The following DENND1A variants were observed in gnomAD, a reference collection of about 807,000 sequenced individuals.
The protein encoded by DENND1A is DENN domain containing 1A, also known as DENN domain-containing protein 1A.
Under a neutral mutation model 113.7 loss-of-function variants are expected in DENND1A, and 51 were observed. The ratio of observed to expected loss-of-function variants is 0.45; its 90% CI spans 0.36 to 0.57. The LOEUF (loss-of-function observed/expected upper bound fraction) is 0.57. DENND1A is among the 20% of genes least tolerant of loss of function. The pLI is 0.00. For missense variants in DENND1A, 1,258 were observed against 1,395.9 expected, an observed-to-expected ratio of 0.90 and a Z score of 1.57; for synonymous variants, 565 against 570.8, an observed-to-expected ratio of 0.99 and a Z score of 0.14.
chr9:123,650,610 A>T (rs1030374243), intron 9 of DENND1A, among the ~76,000 whole-genome samples: 1 of 152,154 alleles, frequency 6.6e-6, no homozygotes, highest in Non-Finnish European at 1.5e-5. Context: ...GACGCCTGTG[A>T]TTTACTTTGA....
chr9:123,514,086 G>A (rs1317156070), intron 13 of DENND1A, among the ~76,000 whole-genome samples: 4 of 80,622 alleles, frequency 5.0e-5, no homozygotes, highest in Admixed American at 1.6e-4. Flanking sequence ...GTGTGTGTGT[G>A]TGTGTGTGTG....
intron 1 of DENND1A, among the ~76,000 whole-genome samples, chr9:123,895,553 T>C (rs577454384): frequency 2.0e-4 from 30 of 147,378 alleles, no homozygotes; most frequent in East Asian, 1.6e-3. Flanking sequence ...ACCCAGGAGG[T>C]GGAGGTGGCA....
At chr9:123,823,911 AAAATT>A (rs1838904173) in intron 2 of DENND1A, among the ~76,000 whole-genome samples, 1 of 152,206 alleles carries the variant, frequency 6.6e-6, no homozygotes, top group East Asian at 1.9e-4. Context: ...TTGAATAAGC[AAAATT>A]AGGAGAATGA....
At chr9:123,564,795 C>T (rs892574016) in intron 12 of DENND1A, among the ~76,000 whole-genome samples, 3 of 152,122 alleles carry the variant, frequency 2.0e-5, no homozygotes, top group Non-Finnish European at 4.4e-5. Context: ...TATTGGACAA[C>T]ACAGGGCCCT....
chr9:123,593,681 T>C (rs10986067), intron 11 of DENND1A, among the ~76,000 whole-genome samples: 57,219 of 151,866 alleles, frequency 0.38, 11,303 homozygotes, highest in African/African-American at 0.49. Flanking sequence ...GGAGAGAATA[T>C]GGCTAAAATT....
intron 10 of DENND1A, among the ~76,000 whole-genome samples, chr9:123,610,074 T>C (rs1300972654): frequency 6.6e-6 from 1 of 152,208 alleles, no homozygotes; most frequent in Non-Finnish European, 1.5e-5. Flanking sequence ...CATGACACTA[T>C]AATTCAGAAA....
In DENND1A at chr9:123,382,095, G is replaced by A. The variant is rs956449604; in HGVS notation, c.2550C>T (p.Leu850=). 6 of 1,550,382 alleles carry A rather than the reference G, an allele frequency of 3.9e-6. No homozygotes were observed. Among genetic ancestry groups the A allele is most frequent in the African/African-American group, 2.7e-5 (2 of 73,544 alleles). The part of the protein sequence containing the change: ...SDALLALLDP[L]STAWSGSTLP... Reference sequence around the variant, plus strand: ...GGGTGCTGCCTGACCAGGCTGTGCTGAGCGGGTCCAGGAGGGCGAGCAGGG... The same window carrying A: ...GGGTGCTGCCTGACCAGGCTGTGCTAAGCGGGTCCAGGAGGGCGAGCAGGG... The change falls in exon 24 of 24, where the codon CTC becomes CTT. Residue 850 remains leucine, a synonymous_variant. Coordinates refer to ENST00000394215, the MANE Select transcript of DENND1A (RefSeq NM_001352964.2).
At position 123,885,447 on chromosome 9, in the gene DENND1A, G is replaced by A. The variant is rs190632290; in HGVS notation, c.18-6426C>T. On this transcript the variant is annotated intron_variant, in intron 1 of 23. Coordinates refer to ENST00000394215, the MANE Select transcript of DENND1A (RefSeq NM_001352964.2). ...TGAGTTTTCCTCCAACATCTGACAC[G>A]TTTCCAGCTCCCACTAATCACTTCT... Among the ~76,000 whole-genome samples, 24 of 152,260 alleles carry A rather than the reference G, an allele frequency of 1.6e-4. No individual in the cohort carries two copies. In the East Asian group the frequency reaches 4.4e-3, roughly 28 times the overall value.
intron 11 of DENND1A, among the ~76,000 whole-genome samples, chr9:123,599,812 G>A (rs886473658): frequency 6.6e-6 from 1 of 152,110 alleles, no homozygotes; most frequent in Non-Finnish European, 1.5e-5. Flanking sequence ...CCCATTTAAC[G>A]GCCTTCCAAA....
intron 10 of DENND1A, among the ~76,000 whole-genome samples, chr9:123,629,769 A>T (rs1431062244): frequency 6.6e-6 from 1 of 152,234 alleles, no homozygotes; most frequent in Non-Finnish European, 1.5e-5. Context: ...CAGTGAGCAC[A>T]AGTCTTAAGG....
chr9:123,426,001 G>A (rs2045695828), intron 19 of DENND1A, among the ~76,000 whole-genome samples: 1 of 152,242 alleles, frequency 6.6e-6, no homozygotes, highest in South Asian at 2.1e-4. Context: ...TAGAGAAGAA[G>A]GGACTCTGCC....
At chr9:123,436,467 G>A (rs1225173605) in intron 19 of DENND1A, among the ~76,000 whole-genome samples, 2 of 152,146 alleles carry the variant, frequency 1.3e-5, no homozygotes, top group East Asian at 3.8e-4. Context: ...AAACACAGCT[G>A]GCACTTTTAT....
chr9:123,620,719 C>T (rs962198058), intron 10 of DENND1A, among the ~76,000 whole-genome samples: 1 of 152,150 alleles, frequency 6.6e-6, no homozygotes, highest in Non-Finnish European at 1.5e-5. Context: ...TCATCAGTCC[C>T]ACCACAGCCC....
intron 9 of DENND1A, among the ~76,000 whole-genome samples, chr9:123,644,512 T>C (rs2062205685): frequency 6.6e-6 from 1 of 150,534 alleles, no homozygotes; most frequent in Non-Finnish European, 1.5e-5. Context: ...TTTGGCTCTT[T>C]ACAAGAATTT....
At chr9:123,547,002 C>T (rs1347467895) in intron 13 of DENND1A, among the ~76,000 whole-genome samples, 2 of 152,178 alleles carry the variant, frequency 1.3e-5, no homozygotes, top group Non-Finnish European at 2.9e-5. Context: ...TAGAGAGCTA[C>T]TTTTTACTTG....
intron 1 of DENND1A, among the ~76,000 whole-genome samples, chr9:123,920,287 C>T (rs1324779717): frequency 6.6e-6 from 1 of 151,994 alleles, no homozygotes; most frequent in Non-Finnish European, 1.5e-5. Flanking sequence ...AAAAATTAGC[C>T]GGACATGGTG....
chr9:123,756,863 C>G (rs2070601001), intron 5 of DENND1A, among the ~76,000 whole-genome samples: 1 of 152,188 alleles, frequency 6.6e-6, no homozygotes, highest in Non-Finnish European at 1.5e-5. Flanking sequence ...CAGGCCCAGG[C>G]CCAACCCAAG....
intron 19 of DENND1A, among the ~76,000 whole-genome samples, chr9:123,419,391 G>C (rs2045038263): frequency 6.6e-6 from 1 of 152,272 alleles, no homozygotes; most frequent in South Asian, 2.1e-4. Context: ...GGGGAAGCTG[G>C]ATAGGCCCTG....
At chr9:123,589,656 A>C (rs1256136929) in intron 11 of DENND1A, among the ~76,000 whole-genome samples, 1 of 150,878 alleles carries the variant, frequency 6.6e-6, no homozygotes, top group African/African-American at 2.4e-5. Flanking sequence ...TGAAAAAAAA[A>C]AAAAAAAAAA....
Sources: gnomAD v4.1 joint callset for allele counts (sites outside exome capture counted in the v4.1 genomes callset) on GRCh38, gnomAD v4.1.1 for gene constraint, MANE v1.5 for transcripts, NCBI Gene and HGNC (gene_info 2026-07-23, HGNC 2026-07-21) for gene names.